Variants in TSPAN19 observed in about 807,000 individuals in gnomAD.
TSPAN19 encodes the protein tetraspanin-19.
A neutral mutation model predicts 35.1 loss-of-function variants in TSPAN19; 44 were observed. The ratio of observed to expected loss-of-function variants is 1.25; its 90% confidence interval spans 0.98 to 1.61. TSPAN19 has a LOEUF of 1.61. TSPAN19 is among the 40% of genes most tolerant of loss of function. The probability of loss-of-function intolerance (pLI) is 0.00; values close to 1 mark genes in which losing one functional copy is unlikely to be tolerated. For missense variants in TSPAN19, 290 were observed against 280.0 expected (o/e 1.04, Z -0.26); for synonymous variants, 79 against 92.0 (o/e 0.86, Z 0.81).
Position 85,017,565 on chromosome 12 carries a change from C to T in TSPAN19, c.485G>A (p.Trp162Ter), listed in dbSNP as rs200094775. The T allele has an allele frequency of 1.0e-4, 160 of 1,590,650 alleles. No homozygotes were observed. In the Middle Eastern group the frequency reaches 1.3e-3, roughly 13 times the overall value. The change falls in exon 7 of 9, where the codon TGG becomes TAG. Residue 162 changes from tryptophan to a stop codon, truncating the protein, a stop_gained. Transcript: ENST00000532498. LOFTEE classifies it high-confidence loss of function. ...ATTTTCTTTGTTCTTATTCTTTATC[C>T]AGTCTGTGTAATTATGTTGGCCACA... is the stretch of plus-strand genomic sequence containing the variant. ...QCCGQHNYTD[W>*]IKNKNKENSG...
chr12:85,030,941 G>A (rs78849488), intron 1 of TSPAN19, among the ~76,000 whole-genome samples: 94 of 152,082 alleles, frequency 6.2e-4, no homozygotes, highest in Non-Finnish European at 1.1e-3. Context: ...TATATGTAGC[G>A]CATGATTGAC....
chr12:85,015,989 T>G lies in TSPAN19; in HGVS notation c.595-18A>C, dbSNP rs369652100. 225 of 1,419,198 alleles carry G rather than the reference T, an allele frequency of 1.6e-4. No homozygotes were observed. The highest frequency in any genetic ancestry group is 2.0e-4 in the Non-Finnish European group (212 of 1,044,404). 87.9% of individuals were successfully genotyped at this position (1,419,198 alleles called of 1,614,324 possible). On this transcript the variant is annotated intron_variant, in intron 7 of 8. Coordinates refer to ENST00000532498, the MANE Select transcript of TSPAN19 (RefSeq NM_001100917.2). ...TCACAACCCTAAGAAAAAGAAGTTA[T>G]TCAGATGGACATGGAGATGGAAATG...
intron 4 of TSPAN19, 137 bp from the exon 5 acceptor site, chr12:85,023,537 C>A (rs866188655): frequency 3.3e-5 from 19 of 567,466 alleles, no homozygotes; most frequent in African/African-American, 2.9e-4. Context: ...TTCCTGCCTT[C>A]ACAAATATGA....
chr12:85,029,333 T>G (rs2135814347), intron 3 of TSPAN19, among the ~76,000 whole-genome samples: 1 of 152,242 alleles, frequency 6.6e-6, no homozygotes, highest in Non-Finnish European at 1.5e-5. Flanking sequence ...CTAATAATTG[T>G]ACATATTCAT....
At chr12:85,033,200 T>G (rs1010177189) in intron 1 of TSPAN19, among the ~76,000 whole-genome samples, 1 of 151,782 alleles carries the variant, frequency 6.6e-6, no homozygotes, top group Non-Finnish European at 1.5e-5. Flanking sequence ...GGGAGAGAGA[T>G]AGGAAATATT....
intron 4 of TSPAN19, 50 bp downstream of exon 4, chr12:85,027,849 T>C: frequency 2.0e-6 from 3 of 1,502,526 alleles, no homozygotes; most frequent in African/African-American, 1.4e-5. Context: ...GTAACTTAGA[T>C]ACTTAAAAAT....
chr12:85,020,364 G>A (rs961851451), intron 5 of TSPAN19, among the ~76,000 whole-genome samples: 2 of 151,234 alleles, frequency 1.3e-5, no homozygotes, highest in Non-Finnish European at 3.0e-5. Context: ...TATCATACTG[G>A]TTCCCTCATT....
chr12:85,028,078 TTTTA>T (rs1188677750), intron 3 of TSPAN19, 55 bp from the exon 4 acceptor site: 27 of 1,351,340 alleles, frequency 2.0e-5, no homozygotes, highest in Admixed American at 2.7e-5. Context: ...TGAAGTGGTA[TTTTA>T]TTTATTTTCT....
intron 8 of TSPAN19, chr12:85,015,400 C>T (rs1403582619): frequency 1.3e-5 from 2 of 152,032 alleles, no homozygotes; most frequent in Admixed American, 6.6e-5. Flanking sequence ...AAATGCTCCC[C>T]GTCCCTCCAA....
At chr12:85,015,866 T>C (rs1333833202) in intron 8 of TSPAN19, 22 bp downstream of exon 8, 67 of 1,505,490 alleles carry the variant, frequency 4.5e-5, no homozygotes, top group Non-Finnish European at 6.0e-5. Flanking sequence ...TTTTTCATTT[T>C]AACATATGAA....
Position 85,036,228 on chromosome 12 carries a change from T to A in TSPAN19, c.-52A>T, listed in dbSNP as rs1555192887. The A allele has an allele frequency of 1.3e-5, 2 of 152,252 alleles. No individual in the cohort carries two copies. The highest frequency in any genetic ancestry group is 2.9e-5 in the Non-Finnish European group (2 of 68,052). 9.4% of individuals were successfully genotyped at this position (152,252 alleles called of 1,614,324 possible). ...CCTGTAAAAAACCGTAAGCTCCTCATCCAGTCCCTGAAATGCTGCGTTCGT... is the reference window on the plus strand; with the variant it reads ...CCTGTAAAAAACCGTAAGCTCCTCAACCAGTCCCTGAAATGCTGCGTTCGT... On this transcript the variant is annotated 5_prime_UTR_variant, in exon 1 of 9. An upstream start codon of the reference 5' UTR is lost. Coordinates refer to ENST00000532498, the MANE Select transcript of TSPAN19 (RefSeq NM_001100917.2).
At chr12:85,032,319 G>A (rs181327236) in intron 1 of TSPAN19, among the ~76,000 whole-genome samples, 84 of 152,184 alleles carry the variant, frequency 5.5e-4, no homozygotes, top group Admixed American at 3.5e-3. Flanking sequence ...TTTGATGGTA[G>A]AGAATGAAAT....
chr12:85,022,547 G>A (rs2135802204), intron 5 of TSPAN19, among the ~76,000 whole-genome samples: 1 of 152,190 alleles, frequency 6.6e-6, no homozygotes, highest in Middle Eastern at 3.4e-3. Context: ...TGTAAGGTAG[G>A]TAGGTATTAA....
chr12:85,014,469 C>T lies in TSPAN19; in HGVS notation c.*18G>A, dbSNP rs760940035. 19 of 1,566,364 alleles carry T rather than the reference C, an allele frequency of 1.2e-5. No individual in the cohort carries two copies. Among genetic ancestry groups the T allele is most frequent in the Non-Finnish European group, 1.6e-5 (18 of 1,147,782 alleles). On this transcript the variant is annotated 3_prime_UTR_variant, in exon 9 of 9. Transcript: ENST00000532498. ...TAAGAATTAACTGGTTTCTTCTGAA[C>T]AAATTGAAATCCAAAGGTCACATTT...
intron 8 of TSPAN19, 88 bp from the exon 9 acceptor site, chr12:85,014,643 C>T (rs761996315): frequency 8.4e-6 from 8 of 947,368 alleles, no homozygotes; most frequent in Non-Finnish European, 1.3e-5. Context: ...CACCAAAATG[C>T]GTATTGTAAA....
chr12:85,021,526 CATT>C (rs1877124517), intron 5 of TSPAN19, among the ~76,000 whole-genome samples: 1 of 151,882 alleles, frequency 6.6e-6, no homozygotes, highest in Non-Finnish European at 1.5e-5. Context: ...GTTTCTAAAA[CATT>C]ATTTGGGAGA....
chr12:85,028,131 C>A (rs780276641), intron 3 of TSPAN19, 108 bp from the exon 4 acceptor site: 5 of 873,558 alleles, frequency 5.7e-6, no homozygotes, highest in Middle Eastern at 3.7e-4. Flanking sequence ...TTTTTCTGAG[C>A]AGCTGTTGCC....
chr12:85,020,755 A>G (rs1471576829), intron 5 of TSPAN19, among the ~76,000 whole-genome samples: 2 of 152,036 alleles, frequency 1.3e-5, no homozygotes, highest in Non-Finnish European at 2.9e-5. Flanking sequence ...TTACCATTAG[A>G]TTATATGCTT....
intron 1 of TSPAN19, among the ~76,000 whole-genome samples, chr12:85,033,422 CTT>C (rs1022675724): frequency 3.3e-5 from 5 of 151,532 alleles, no homozygotes; most frequent in African/African-American, 1.2e-4. Context: ...AGAAAAGACA[CTT>C]AAGATAGGGG....
Sources: gnomAD v4.1 joint callset for allele counts (sites outside exome capture counted in the v4.1 genomes callset) on GRCh38, gnomAD v4.1.1 for gene constraint, MANE v1.5 for transcripts, NCBI Gene and HGNC (gene_info 2026-07-23, HGNC 2026-07-21) for gene names.